Variants in USP12 observed in about 807,000 individuals in gnomAD.
The protein encoded by USP12 is ubiquitin carboxyl-terminal hydrolase 12.
Under a neutral mutation model 45.5 loss-of-function variants are expected in USP12, and 19 were observed. That is an observed-to-expected ratio of 0.42 (90% confidence interval 0.29 to 0.61). The LOEUF (loss-of-function observed/expected upper bound fraction) is 0.61, where lower values mean the gene tolerates loss of function less well. Among genes scored for constraint, USP12 ranks in the 20% least tolerant of loss-of-function variants. The pLI, the probability that USP12 is intolerant of heterozygous loss-of-function variation, is 0.22. For missense variants in USP12, 242 were observed against 447.7 expected, an observed-to-expected ratio of 0.54 and a Z score of 4.15; for synonymous variants, 149 against 148.8, an observed-to-expected ratio of 1.00 and a Z score of -0.01.
chr13:27,138,033 C>G (rs1416673773), intron 1 of USP12, among the ~76,000 whole-genome samples: 3 of 152,234 alleles, frequency 2.0e-5, no homozygotes, highest in Non-Finnish European at 2.9e-5. Flanking sequence ...CCTAAGTGAG[C>G]TTGAAAGCAG....
At chr13:27,127,287 C>T (rs1242041504) in intron 1 of USP12, among the ~76,000 whole-genome samples, 1 of 152,126 alleles carries the variant, frequency 6.6e-6, no homozygotes, top group Non-Finnish European at 1.5e-5. Context: ...CAGAAGCTTG[C>T]AAAAGGCTTA....
chr13:27,104,556 T>C lies in USP12; in HGVS notation c.343+1175A>G, dbSNP rs1875037465. On this transcript the variant is annotated intron_variant, in intron 3 of 8. Transcript: ENST00000282344. The stretch of plus-strand genomic sequence containing the variant: ...TCTATAATCTAATAAAGTACATACG[T>C]TTAGCTTTCATTAGGGGAAACAAGA... Among the ~76,000 whole-genome samples, 5 of 152,214 alleles carry C rather than the reference T, an allele frequency of 3.3e-5. No individual in the cohort carries two copies. In the South Asian group the frequency reaches 6.2e-4, roughly 19 times the overall value.
intron 1 of USP12, 120 bp from the exon 2 acceptor site, chr13:27,116,716 C>T: frequency 1.3e-6 from 1 of 797,080 alleles, no homozygotes. Context: ...AGCTGCCCTA[C>T]ACAGGTGCGT....
chr13:27,093,642 A>G (rs1874423567), intron 4 of USP12, among the ~76,000 whole-genome samples: 1 of 152,232 alleles, frequency 6.6e-6, no homozygotes, highest in Admixed American at 6.5e-5. Flanking sequence ...GTATACTCTT[A>G]CCATACAATC....
intron 2 of USP12, 63 bp from the exon 3 acceptor site, chr13:27,106,007 C>A (rs775447769): frequency 6.4e-6 from 9 of 1,407,206 alleles, no homozygotes; most frequent in Non-Finnish European, 8.7e-6. Flanking sequence ...AGAGAAATTC[C>A]CGGTATATGG....
At chr13:27,128,080 G>A (rs1035281661) in intron 1 of USP12, among the ~76,000 whole-genome samples, 20 of 152,140 alleles carry the variant, frequency 1.3e-4, no homozygotes, top group African/African-American at 4.1e-4. Context: ...GTGTTATAGA[G>A]AATATTTAGA....
At chr13:27,136,141 C>T (rs929642376) in intron 1 of USP12, among the ~76,000 whole-genome samples, 1 of 152,124 alleles carries the variant, frequency 6.6e-6, no homozygotes, top group South Asian at 2.1e-4. Context: ...AAACTGTGAC[C>T]GTTAGAGAAG....
chr13:27,150,450 AAC>A (rs752693932), intron 1 of USP12, among the ~76,000 whole-genome samples: 1 of 152,234 alleles, frequency 6.6e-6, no homozygotes, highest in Non-Finnish European at 1.5e-5. Flanking sequence ...AGGAAATCTA[AAC>A]ACAGAGAAAA....
chr13:27,103,761 A>G (rs9319341), intron 3 of USP12, among the ~76,000 whole-genome samples: 1,966 of 147,382 alleles, frequency 0.013, 19 homozygotes, highest in Non-Finnish European at 0.019. Context: ...AAAAAAAAAA[A>G]AGAGAGAGAG....
intron 1 of USP12, among the ~76,000 whole-genome samples, chr13:27,118,290 A>C (rs1875836382): frequency 6.6e-6 from 1 of 152,082 alleles, no homozygotes; most frequent in African/African-American, 2.4e-5. Flanking sequence ...TTCCACCAAA[A>C]CAAGACGTTT....
intron 7 of USP12, among the ~76,000 whole-genome samples, chr13:27,073,408 C>T (rs1309109031): frequency 6.6e-6 from 1 of 152,156 alleles, no homozygotes; most frequent in Non-Finnish European, 1.5e-5. Flanking sequence ...CTTTAAATAA[C>T]TGACTGTGGA....
At chr13:27,169,084 C>T (rs552564020) in intron 1 of USP12, 46 of 152,280 alleles carry the variant, frequency 3.0e-4, no homozygotes, top group African/African-American at 9.9e-4. Flanking sequence ...GAATGCAGAA[C>T]TTGGTACTCC....
chr13:27,165,912 C>A (rs532654298), intron 1 of USP12, among the ~76,000 whole-genome samples: 249 of 151,432 alleles, frequency 1.6e-3, no homozygotes, highest in Non-Finnish European at 3.0e-3. Context: ...TAGAAATGGG[C>A]TACAGAGCAA....
intron 1 of USP12, among the ~76,000 whole-genome samples, chr13:27,151,865 A>C (rs1307094297): frequency 3.9e-5 from 6 of 152,242 alleles, no homozygotes; most frequent in African/African-American, 1.4e-4. Flanking sequence ...TTTCCACAGA[A>C]GATACACAAA....
intron 1 of USP12, among the ~76,000 whole-genome samples, chr13:27,160,395 G>A (rs571374371): frequency 3.4e-4 from 52 of 151,468 alleles, no homozygotes; most frequent in African/African-American, 1.2e-3. Context: ...GTTCAGCAGG[G>A]TCCCCCGTGG....
At chr13:27,161,838 C>A (rs1878121134) in intron 1 of USP12, among the ~76,000 whole-genome samples, 1 of 151,478 alleles carries the variant, frequency 6.6e-6, no homozygotes, top group East Asian at 2.0e-4. Flanking sequence ...GGCGAGACTG[C>A]ACCACTGCAC....
At chr13:27,087,311 C>T (rs564169330) in intron 6 of USP12, among the ~76,000 whole-genome samples, 3 of 151,412 alleles carry the variant, frequency 2.0e-5, no homozygotes, top group Admixed American at 6.6e-5. Flanking sequence ...ATGCAGGGAG[C>T]GGGGGCAGGA....
intron 1 of USP12, among the ~76,000 whole-genome samples, chr13:27,125,701 G>C (rs1593197226): frequency 6.6e-6 from 1 of 152,322 alleles, no homozygotes; most frequent in East Asian, 1.9e-4. Context: ...CCCTTTCCTA[G>C]CCAAGTGAAG....
At chr13:27,103,598 C>CAAAAAAAAA (rs376135830) in intron 3 of USP12, among the ~76,000 whole-genome samples, 64 of 128,722 alleles carry the variant, frequency 5.0e-4, no homozygotes, top group East Asian at 1.8e-3. Context: ...ATTGAACTAT[C>CAAAAAAAAA]AAAAAAAAAA....
Sources: allele counts gnomAD v4.1 joint callset (sites outside exome capture counted in the v4.1 genomes callset), GRCh38; gene constraint gnomAD v4.1.1; transcripts MANE v1.5; gene names NCBI Gene and HGNC (gene_info 2026-07-23, HGNC 2026-07-21).